Variants in MTSS1 observed in about 807,000 individuals in gnomAD.
MTSS1 encodes the protein protein MTSS 1.
MTSS1 carries 18 observed loss-of-function variants against 79.0 expected under a neutral mutation model. The ratio of observed to expected loss-of-function variants is 0.23; its 90% CI spans 0.16 to 0.34. MTSS1 has a LOEUF of 0.34. MTSS1 is among the 10% of genes least tolerant of loss of function. MTSS1 has a pLI of 1.00. For missense variants in MTSS1, 815 were observed against 986.2 expected (o/e 0.83, Z 2.33); for synonymous variants, 341 against 368.6 (o/e 0.93, Z 0.86).
rs762677930 is a variant in MTSS1 at position 124,552,816 on chromosome 8, T to C, written c.*176A>G. On this transcript the variant is annotated 3_prime_UTR_variant, in exon 14 of 14. Transcript: ENST00000518547. The stretch of plus-strand genomic sequence containing the variant: ...TTTACAAATTAAAAGATCAAGATTA[T>C]GTCAGTTACATAGGTTGGTTTTAAT... 95 of 553,336 alleles carry C rather than the reference T, an allele frequency of 1.7e-4. No homozygotes were observed. Among genetic ancestry groups the C allele is most frequent in the Non-Finnish European group, 2.7e-4 (85 of 317,840 alleles). The allele number at this position is 553,336 out of a possible 1,614,324, so 34.3% of individuals were successfully genotyped here.
At chr8:124,588,762 T>G (rs1831313780) in intron 5 of MTSS1, among the ~76,000 whole-genome samples, 2 of 152,246 alleles carry the variant, frequency 1.3e-5, no homozygotes, top group Admixed American at 1.3e-4. Context: ...TCACCCAGGC[T>G]GGAGTGCAGT....
chr8:124,673,549 G>A (rs1824693242), intron 3 of MTSS1: 2 of 152,212 alleles, frequency 1.3e-5, no homozygotes. Context: ...AAGAGTGAGA[G>A]TTGCTCTCAG....
intron 1 of MTSS1, among the ~76,000 whole-genome samples, chr8:124,717,016 A>AAAAG (rs2135717280): frequency 6.6e-6 from 1 of 152,082 alleles, no homozygotes; most frequent in African/African-American, 2.4e-5. Flanking sequence ...AAAAAAAAAA[A>AAAAG]AAACTGGACG....
chr8:124,661,036 C>T (rs1300730072), intron 3 of MTSS1, among the ~76,000 whole-genome samples: 1 of 152,220 alleles, frequency 6.6e-6, no homozygotes. Flanking sequence ...GAAAATGGAA[C>T]ATTCAGTGAA....
At position 124,656,810 on chromosome 8, in the gene MTSS1, A is replaced by T. The variant is rs184541568; in HGVS notation, c.208+42716T>A. Among the ~76,000 whole-genome samples, 789 of 151,824 alleles carry T rather than the reference A, an allele frequency of 5.2e-3. 5 individuals are homozygous for T. The highest frequency in any genetic ancestry group is 7.5e-3 in the Admixed American group (115 of 15,232). On this transcript the variant is annotated intron_variant, in intron 3 of 13. Coordinates refer to ENST00000518547, the MANE Select transcript of MTSS1 (RefSeq NM_014751.6). ...AAAAAAAAAAAAAAAGAAAAAAGAA[A>T]AAAAGGAAAAAAAAATGGAGTTGCT...
rs1005225659 is a variant in MTSS1, at chr8:124,561,286, C to T, written c.1035+1496G>A. On this transcript the variant is annotated intron_variant, in intron 10 of 13. Coordinates refer to ENST00000518547, the MANE Select transcript of MTSS1 (RefSeq NM_014751.6). Reference sequence around the variant, plus strand: ...TACAAAAGTTAGCTGGGAATGGTGGCGCGTGCCTGTAATCCCAGCTACTTG... The same window carrying T: ...TACAAAAGTTAGCTGGGAATGGTGGTGCGTGCCTGTAATCCCAGCTACTTG... Among the ~76,000 whole-genome samples the T allele has an allele frequency of 3.8e-4, 58 of 152,214 alleles. 1 individual carries two copies. The highest frequency in any genetic ancestry group is 6.8e-3 in the Middle Eastern group (2 of 294).
chr8:124,699,768 C>T (rs1489303515), intron 2 of MTSS1, among the ~76,000 whole-genome samples, 169 bp from the exon 3 acceptor site: 3 of 152,212 alleles, frequency 2.0e-5, no homozygotes, highest in African/African-American at 7.2e-5. Flanking sequence ...TTTCCAAGTA[C>T]TCCACCCGAA....
intron 3 of MTSS1, among the ~76,000 whole-genome samples, chr8:124,674,703 A>C (rs1178646904): frequency 3.3e-5 from 5 of 151,692 alleles, no homozygotes; most frequent in Admixed American, 3.3e-4. Flanking sequence ...ACTCCCAAAA[A>C]TCCTATGAGG....
intron 6 of MTSS1, among the ~76,000 whole-genome samples, chr8:124,569,939 G>A (rs1016450781): frequency 2.0e-5 from 3 of 152,160 alleles, no homozygotes; most frequent in African/African-American, 2.4e-5. Context: ...GAAGGGCCCT[G>A]CAGTTTCCAT....
At chr8:124,577,689 T>C (rs1378040569) in intron 6 of MTSS1, 1 of 507,038 alleles carries the variant, frequency 2.0e-6, no homozygotes, top group African/African-American at 1.9e-5. Flanking sequence ...CTGTATTTCC[T>C]CATCAGCCTT....
chr8:124,588,374 C>T (rs546061319), intron 5 of MTSS1, among the ~76,000 whole-genome samples: 4,915 of 152,228 alleles, frequency 0.032, 99 homozygotes, highest in Middle Eastern at 0.068. Flanking sequence ...CCCCATAGCG[C>T]CTAGCATGTA....
At chr8:124,634,879 T>C (rs1816707475) in intron 3 of MTSS1, among the ~76,000 whole-genome samples, 1 of 152,200 alleles carries the variant, frequency 6.6e-6, no homozygotes. Context: ...CCCAAGCAAT[T>C]CCCATGCACA....
intron 3 of MTSS1, among the ~76,000 whole-genome samples, chr8:124,635,809 A>G (rs1816872084): frequency 6.6e-6 from 1 of 151,968 alleles, no homozygotes; most frequent in Non-Finnish European, 1.5e-5. Context: ...TGGCTCCCGG[A>G]TTCCCAATTT....
chr8:124,591,838 T>A (rs3097628), intron 3 of MTSS1, among the ~76,000 whole-genome samples: 18 of 152,096 alleles, frequency 1.2e-4, no homozygotes, highest in African/African-American at 4.3e-4. Flanking sequence ...TGGAGTGCAG[T>A]GGTGCAATCA....
chr8:124,654,852 C>A (rs1189682992), intron 3 of MTSS1, among the ~76,000 whole-genome samples: 1 of 152,168 alleles, frequency 6.6e-6, no homozygotes, highest in Non-Finnish European at 1.5e-5. Flanking sequence ...TCTACTTTAG[C>A]AAAGAACCAC....
At chr8:124,655,923 T>C (rs1820850551) in intron 3 of MTSS1, among the ~76,000 whole-genome samples, 1 of 152,090 alleles carries the variant, frequency 6.6e-6, no homozygotes, top group Admixed American at 6.5e-5. Context: ...GAACAGAAGC[T>C]GGAAAGATGT....
At chr8:124,568,354 CT>C (rs770902980) in intron 7 of MTSS1, 24 bp downstream of exon 7, 2 of 1,607,268 alleles carry the variant, frequency 1.2e-6, no homozygotes, top group Non-Finnish European at 1.7e-6. Context: ...CAGTTTAAAC[CT>C]TCTGGAGTTT....
chr8:124,671,780 T>C (rs1469971381), intron 3 of MTSS1, among the ~76,000 whole-genome samples: 1 of 152,230 alleles, frequency 6.6e-6, no homozygotes, highest in Non-Finnish European at 1.5e-5. Context: ...CACAGCATTC[T>C]GCCCCAGGAA....
At chr8:124,570,236 C>T (rs1347884517) in intron 6 of MTSS1, among the ~76,000 whole-genome samples, 1 of 152,126 alleles carries the variant, frequency 6.6e-6, no homozygotes, top group Non-Finnish European at 1.5e-5. Context: ...CTTGAAAATG[C>T]CTTAGATGGC....
Sources: allele counts gnomAD v4.1 joint callset (sites outside exome capture counted in the v4.1 genomes callset), GRCh38; gene constraint gnomAD v4.1.1; transcripts MANE v1.5; gene names NCBI Gene and HGNC (gene_info 2026-07-23, HGNC 2026-07-21).